OSBPL3: variants seen among roughly 807,000 people sequenced by gnomAD.
OSBPL3 encodes the protein oxysterol binding protein like 3, also known as oxysterol-binding protein-related protein 3.
OSBPL3 carries 65 observed loss-of-function variants against 120.1 expected under a neutral mutation model. The ratio of observed to expected loss-of-function variants is 0.54; its 90% confidence interval spans 0.44 to 0.67. The LOEUF (loss-of-function observed/expected upper bound fraction) is 0.67. Ranked by LOEUF, OSBPL3 falls within the 30% of genes least tolerant of loss-of-function variation. The pLI, the probability that OSBPL3 is intolerant of heterozygous loss-of-function variation, is 0.00. For synonymous variants in OSBPL3, 416 were observed against 402.6 expected, an observed-to-expected ratio of 1.03 and a Z score of -0.40; for missense variants, 1,004 against 1,082.1, an observed-to-expected ratio of 0.93 and a Z score of 1.01.
rs1221101705 is a variant in OSBPL3, at chr7:24,863,285, G to T, written c.785C>A (p.Ser262Tyr). The part of the protein sequence containing the change: ...APAINAIQGG[S>Y]FESPKKEKRS... The stretch of plus-strand genomic sequence containing the variant: ...TTTTTCCTTTTTGGGACTTTCAAAA[G>T]ATCCACCCTTTGTTTCAAAACAGGA... The change falls in exon 9 of 23, where the codon TCT (serine) becomes TAT (tyrosine). Residue 262 changes from serine to tyrosine, a missense_variant. Physicochemically the swap from Ser to Tyr is moderately radical, Grantham distance 144. Transcript: ENST00000313367. This position sits in a 1 kb window ranked among gnomAD's most constrained non-coding sequence, Gnocchi z 5.8. The T allele has an allele frequency of 6.2e-7, 1 of 1,613,494 alleles. No individual in the cohort carries two copies. Among genetic ancestry groups the T allele is most frequent in the Non-Finnish European group, 8.5e-7 (1 of 1,179,542 alleles).
intron 14 of OSBPL3, among the ~76,000 whole-genome samples, chr7:24,838,026 T>A (rs759141122): frequency 5.3e-5 from 8 of 152,242 alleles, no homozygotes; most frequent in Non-Finnish European, 1.2e-4. Flanking sequence ...GGCAAAATGA[T>A]GATATGAAAT....
Position 24,797,873 on chromosome 7 carries a change from TAAAACTATAAA to T in OSBPL3, c.*2299_*2309del, listed in dbSNP as rs1158371952. 1 of 152,218 alleles carries T rather than the reference TAAAACTATAAA, an allele frequency of 6.6e-6. No individual in the cohort carries two copies. The highest frequency in any genetic ancestry group is 1.5e-5 in the Non-Finnish European group (1 of 68,032). 9.4% of individuals were successfully genotyped at this position (152,218 alleles called of 1,614,324 possible). A position where few individuals can be genotyped will look rare whatever the true frequency, so the allele number is the denominator to read the frequency against. On this transcript the variant is annotated 3_prime_UTR_variant, in exon 23 of 23. Transcript: ENST00000313367. This position sits in a 1 kb window ranked among gnomAD's most constrained non-coding sequence, Gnocchi z 4.8. ...TGCCACGTTTCTGTTTTCTTCCTCT[TAAAACTATAAA>T]ATGTCCTAGAGACATACATTTGGGG...
intron 5 of OSBPL3, among the ~76,000 whole-genome samples, chr7:24,868,411 TGATA>T (rs966822570): frequency 1.0e-4 from 15 of 145,958 alleles, no homozygotes; most frequent in Middle Eastern, 3.8e-3. Flanking sequence ...GGTAAAAAAA[TGATA>T]GATAAATGAT....
intron 1 of OSBPL3, among the ~76,000 whole-genome samples, chr7:24,962,427 A>AGAGTAGAGAG: frequency 1.9e-5 from 1 of 53,494 alleles, no homozygotes; most frequent in African/African-American, 8.6e-5. Context: ...AGGGGAGGGG[A>AGAGTAGAGAG]GAGGAGAGAG....
In OSBPL3 at chr7:24,972,340, C is replaced by G. The variant is rs978808073; in HGVS notation, c.-150+7546G>C. On this transcript the variant is annotated intron_variant, in intron 1 of 22. Coordinates refer to ENST00000313367, the MANE Select transcript of OSBPL3 (RefSeq NM_015550.4). The surrounding 1 kb of genome is among the most constrained non-coding windows in gnomAD (Gnocchi z 4.3). ...TCATCTCATCCTCCTTTGAGGATTC[C>G]CCAGCCACATTCTCTTTTCTCTTCC... Among the ~76,000 whole-genome samples the G allele has an allele frequency of 9.8e-5, 15 of 152,290 alleles. No homozygotes were observed. Among genetic ancestry groups the G allele is most frequent in the Middle Eastern group, 6.8e-3 (2 of 294 alleles).
chr7:24,863,638 T>G lies in OSBPL3; in HGVS notation c.674-39A>C. The G allele has an allele frequency of 7.9e-7, 1 of 1,273,330 alleles. No homozygotes were observed. Among genetic ancestry groups the G allele is most frequent in the Non-Finnish European group, 1.2e-6 (1 of 869,384 alleles). 78.9% of individuals were successfully genotyped at this position (1,273,330 alleles called of 1,614,324 possible). On this transcript the variant is annotated intron_variant, in intron 7 of 22. Transcript: ENST00000313367. This position sits in a 1 kb window ranked among gnomAD's most constrained non-coding sequence, Gnocchi z 5.8. Reference sequence around the variant, plus strand: ...GAGGACAGTGCTCACAATGCTCCACTAGCAAGAGGGATCACTGTGCTGTCC... The same window carrying G: ...GAGGACAGTGCTCACAATGCTCCACGAGCAAGAGGGATCACTGTGCTGTCC...
In OSBPL3 at chr7:24,898,476, G is replaced by A. The variant is rs930003067; in HGVS notation, c.-149-5855C>T. Among the ~76,000 whole-genome samples, 3 of 151,968 alleles carry A rather than the reference G, an allele frequency of 2.0e-5. No individual in the cohort carries two copies. The highest frequency in any genetic ancestry group is 4.8e-5 in the African/African-American group (2 of 41,336). Reference sequence around the variant, plus strand: ...TAAATCTTATTCTCACTTTTGGCAAGACAGGAGTCAAGAGGCCTAAAGACT... The same window carrying A: ...TAAATCTTATTCTCACTTTTGGCAAAACAGGAGTCAAGAGGCCTAAAGACT... On this transcript the variant is annotated intron_variant, in intron 1 of 22. Coordinates refer to ENST00000313367, the MANE Select transcript of OSBPL3 (RefSeq NM_015550.4). The surrounding 1 kb of genome is among the most constrained non-coding windows in gnomAD (Gnocchi z 4.3).
intron 6 of OSBPL3, 27 bp from the exon 7 acceptor site, chr7:24,865,492 T>C: frequency 2.5e-6 from 4 of 1,610,558 alleles, no homozygotes; most frequent in Non-Finnish European, 3.4e-6. Context: ...AAAAGCACAT[T>C]GTAAATGGAA....
Position 24,964,670 on chromosome 7 carries a change from G to A in OSBPL3, c.-150+15216C>T, listed in dbSNP as rs1261853139. Among the ~76,000 whole-genome samples the A allele has an allele frequency of 6.6e-6, 1 of 152,170 alleles. No individual in the cohort carries two copies. Among genetic ancestry groups the A allele is most frequent in the East Asian group, 1.9e-4 (1 of 5,202 alleles). ...AAAAGGACACTAAGGAAAAGCTAAG[G>A]AAATCTGAATGAAGTATAGATTTTA... is the stretch of plus-strand genomic sequence containing the variant. On this transcript the variant is annotated intron_variant, in intron 1 of 22. Transcript: ENST00000313367. This position sits in a 1 kb window ranked among gnomAD's most constrained non-coding sequence, Gnocchi z 4.2.
In OSBPL3 at chr7:24,863,573, C is replaced by G. The variant is rs143698939; in HGVS notation, c.700G>C (p.Val234Leu). The G allele has an allele frequency of 6.2e-7, 1 of 1,613,926 alleles. No individual in the cohort carries two copies. The highest frequency in any genetic ancestry group is 8.5e-7 in the Non-Finnish European group (1 of 1,179,826). The part of the protein sequence containing the change: ...KDLAHCHAYL[V>L]EMSQLLQSMD... ...CTTTGCAGGAGCTGGCTCATTTCTACCAGGTAGGCATGACAGTGCGCCAGG... is the reference window on the plus strand; with the variant it reads ...CTTTGCAGGAGCTGGCTCATTTCTAGCAGGTAGGCATGACAGTGCGCCAGG... Residue 234 changes from valine (V) to leucine (L), a missense_variant, in exon 8 of 23, where the codon GTA becomes CTA. Physicochemically the swap from Val to Leu is conservative, Grantham distance 32. This residue lies in a region of OSBPL3 where 272 missense variants were observed against 248.8 expected (regional missense o/e 1.09). Transcript: ENST00000313367. This position sits in a 1 kb window ranked among gnomAD's most constrained non-coding sequence, Gnocchi z 5.8.
At position 24,828,606 on chromosome 7, in the gene OSBPL3, G is replaced by GAAAAAAAAAAA. The variant is rs1190652256; in HGVS notation, c.1884+2151_1884+2161dup. 4.1e-3 allele frequency among the ~76,000 whole-genome samples: 133 copies of GAAAAAAAAAAA among 32,528 alleles called. 11 individuals are homozygous for GAAAAAAAAAAA. The highest frequency in any genetic ancestry group is 6.3e-3 in the Non-Finnish European group (119 of 19,022). The allele number at this position is 32,528 out of a possible 152,430, so 21.3% of individuals were successfully genotyped here. On this transcript the variant is annotated intron_variant, in intron 16 of 22. Coordinates refer to ENST00000313367, the MANE Select transcript of OSBPL3 (RefSeq NM_015550.4). ...TGGGCGACAAAGTGAGACTCTGTCT[G>GAAAAAAAAAAA]AAAAAAAAAAAAAAAGAAAAAAAAA...
chr7:24,897,320 CTTT>C (rs35715609), intron 1 of OSBPL3, among the ~76,000 whole-genome samples: 8 of 102,280 alleles, frequency 7.8e-5, no homozygotes, highest in East Asian at 3.4e-4. Context: ...ATGGCAGAAT[CTTT>C]TTTTTTTTTT....
At position 24,877,129 on chromosome 7, in the gene OSBPL3, C is replaced by T. The variant is rs935457939; in HGVS notation, c.97-5060G>A. ...ACTTACATTTTTAATCATTCTGTCA[C>T]ATATTATAGCATACTGCATTTTTAC... On this transcript the variant is annotated intron_variant, in intron 2 of 22. Transcript: ENST00000313367. The surrounding 1 kb of genome is among the most constrained non-coding windows in gnomAD (Gnocchi z 4.8). Among the ~76,000 whole-genome samples the T allele has an allele frequency of 6.6e-6, 1 of 152,140 alleles. No homozygotes were observed. The highest frequency in any genetic ancestry group is 1.5e-5 in the Non-Finnish European group (1 of 68,024).
chr7:24,931,079 C>G (rs1167987716), intron 1 of OSBPL3, among the ~76,000 whole-genome samples: 1 of 152,132 alleles, frequency 6.6e-6, no homozygotes, highest in African/African-American at 2.4e-5. Flanking sequence ...TCTGAACAGT[C>G]ATTTGAGGGG....
At chr7:24,925,974 TAA>T (rs1810997807) in intron 1 of OSBPL3, among the ~76,000 whole-genome samples, 2 of 152,244 alleles carry the variant, frequency 1.3e-5, no homozygotes, top group South Asian at 4.1e-4. Flanking sequence ...AAAGGATCCT[TAA>T]ATAGCTAGAG....
chr7:24,852,694 GA>G lies in OSBPL3; in HGVS notation c.1028-61del. 4.5e-6 allele frequency: 5 copies of G among 1,117,246 alleles called. No homozygotes were observed. In the South Asian group the frequency reaches 5.5e-5, roughly 12 times the overall value. 69.2% of individuals were successfully genotyped at this position (1,117,246 alleles called of 1,614,324 possible). ...GAGGCATAATTAAAAACAAAATACA[GA>G]AAAAAACATATCTCTTATAAAAGAA... On this transcript the variant is annotated intron_variant, in intron 10 of 22. Transcript: ENST00000313367. The surrounding 1 kb of genome is among the most constrained non-coding windows in gnomAD (Gnocchi z 4.1).
In OSBPL3 at chr7:24,918,324, C is replaced by T. The variant is rs1320528089; in HGVS notation, c.-149-25703G>A. Reference sequence around the variant, plus strand: ...GACCACATAACTGTGCCATCCCCAACATCCCACTCTCCTCTCCACTTGCTG... The same window carrying T: ...GACCACATAACTGTGCCATCCCCAATATCCCACTCTCCTCTCCACTTGCTG... On this transcript the variant is annotated intron_variant, in intron 1 of 22. Transcript: ENST00000313367. This position sits in a 1 kb window ranked among gnomAD's most constrained non-coding sequence, Gnocchi z 4.3. Among the ~76,000 whole-genome samples, 1 of 152,196 alleles carries T rather than the reference C, an allele frequency of 6.6e-6. No homozygotes were observed. Among genetic ancestry groups the T allele is most frequent in the Middle Eastern group, 3.2e-3 (1 of 316 alleles).
intron 1 of OSBPL3, among the ~76,000 whole-genome samples, chr7:24,958,891 A>G (rs897256301): frequency 4.6e-5 from 7 of 152,162 alleles, no homozygotes; most frequent in Non-Finnish European, 8.8e-5. Context: ...CACCACTTAA[A>G]TGCTGATCAT....
intron 14 of OSBPL3, among the ~76,000 whole-genome samples, chr7:24,837,120 C>G (rs1396259782): frequency 2.6e-5 from 4 of 152,208 alleles, no homozygotes; most frequent in Admixed American, 6.5e-5. Flanking sequence ...CAGGCGTGAG[C>G]CACCACGCCC....
Sources: allele counts gnomAD v4.1 joint callset (sites outside exome capture counted in the v4.1 genomes callset), GRCh38; gene constraint gnomAD v4.1.1; regional missense constraint gnomAD v4.1.1; non-coding constraint Gnocchi (gnomAD v3.1); transcripts MANE v1.5; gene names NCBI Gene and HGNC (gene_info 2026-07-23, HGNC 2026-07-21).